Variants in FRK observed in about 807,000 individuals in gnomAD.
FRK encodes the protein tyrosine-protein kinase FRK.
FRK carries 51 observed loss-of-function variants against 56.4 expected under a neutral mutation model. The observed-to-expected ratio is 0.90, with a 90% confidence interval of 0.72 to 1.14. FRK has a LOEUF of 1.14. Ranked by LOEUF, FRK falls within the 50% of genes most tolerant of loss-of-function variation. FRK has a pLI of 0.00. For missense variants in FRK, 570 were observed against 601.4 expected (o/e 0.95, Z 0.55); for synonymous variants, 245 against 217.9 (o/e 1.12, Z -1.10).
intron 1 of FRK, among the ~76,000 whole-genome samples, chr6:116,012,758 T>A (rs1775518873): frequency 6.6e-6 from 1 of 152,238 alleles, no homozygotes. Context: ...GCTTGCCACA[T>A]AGCTTGCAGT....
chr6:115,952,326 C>T (rs922404433), intron 5 of FRK, among the ~76,000 whole-genome samples: 1 of 152,142 alleles, frequency 6.6e-6, no homozygotes, highest in Admixed American at 6.5e-5. Context: ...AAAAAATGCG[C>T]ACCATCACTG....
chr6:116,011,957 A>G (rs935493393), intron 1 of FRK, among the ~76,000 whole-genome samples: 1 of 151,980 alleles, frequency 6.6e-6, no homozygotes, highest in South Asian at 2.1e-4. Context: ...ACTCTTTCCC[A>G]CTCACATGGA....
At chr6:116,024,251 TTTTC>T (rs1472249011) in intron 1 of FRK, among the ~76,000 whole-genome samples, 1 of 151,910 alleles carries the variant, frequency 6.6e-6, no homozygotes, top group Non-Finnish European at 1.5e-5. Flanking sequence ...ATTTTTTCCT[TTTTC>T]TTTCATTTTT....
intron 1 of FRK, among the ~76,000 whole-genome samples, chr6:116,007,301 T>C (rs1467912479): frequency 1.3e-5 from 2 of 152,352 alleles, no homozygotes; most frequent in Admixed American, 1.3e-4. Flanking sequence ...TCACTCATGC[T>C]TGCTCTCCAG....
intron 1 of FRK, among the ~76,000 whole-genome samples, chr6:116,033,794 C>G (rs1027424499): frequency 6.6e-6 from 1 of 152,032 alleles, no homozygotes; most frequent in South Asian, 2.1e-4. Context: ...GGTCACTCTG[C>G]CTGCTGGGTT....
intron 1 of FRK, among the ~76,000 whole-genome samples, chr6:116,050,324 T>C (rs142813752): frequency 6.4e-4 from 98 of 152,338 alleles, no homozygotes; most frequent in African/African-American, 2.2e-3. Flanking sequence ...CATCTACTTA[T>C]CTTGGCTAAC....
intron 4 of FRK, among the ~76,000 whole-genome samples, chr6:115,958,806 GAA>G (rs1773201638): frequency 1.4e-5 from 1 of 73,540 alleles, no homozygotes; most frequent in Non-Finnish European, 2.7e-5. Context: ...GAAAAAGAAA[GAA>G]AGAAAGAAAG....
chr6:116,087,253 C>G, the FRK span, among the ~76,000 whole-genome samples: 1 of 152,264 alleles, frequency 6.6e-6, no homozygotes, highest in East Asian at 1.9e-4. Context: ...GCAGTATATT[C>G]TCAATAAACA....
At chr6:115,973,627 T>C (rs1382098511) in intron 2 of FRK, among the ~76,000 whole-genome samples, 1 of 152,100 alleles carries the variant, frequency 6.6e-6, no homozygotes, top group Non-Finnish European at 1.5e-5. Flanking sequence ...CCCAGCACTT[T>C]GGGAGGCCAA....
chr6:116,035,010 T>C (rs1290845632), intron 1 of FRK, among the ~76,000 whole-genome samples: 1 of 152,092 alleles, frequency 6.6e-6, no homozygotes, highest in African/African-American at 2.4e-5. Flanking sequence ...TGAGTAATGG[T>C]ACCTAGTGGT....
the FRK span, among the ~76,000 whole-genome samples, chr6:116,066,683 T>C: frequency 2.0e-5 from 3 of 152,144 alleles, no homozygotes; most frequent in Admixed American, 2.0e-4. Flanking sequence ...CTCTTCTGGC[T>C]CTCTATGGGC....
At chr6:115,988,332 T>C (rs1774463433) in intron 2 of FRK, among the ~76,000 whole-genome samples, 5 of 152,158 alleles carry the variant, frequency 3.3e-5, no homozygotes, top group Middle Eastern at 3.4e-3. Context: ...TGTGTAACTA[T>C]CACCATATAA....
chr6:116,085,165 T>C, the FRK span, among the ~76,000 whole-genome samples: 3 of 152,022 alleles, frequency 2.0e-5, no homozygotes, highest in African/African-American at 7.2e-5. Context: ...AATTAAGAAA[T>C]AAGTAGGATG....
chr6:116,038,727 C>T, intron 1 of FRK: 2 of 457,406 alleles, frequency 4.4e-6, no homozygotes, highest in South Asian at 3.5e-5. Context: ...AAGGCTGACG[C>T]TGACCTTCAG....
chr6:116,076,422 A>G, the FRK span, among the ~76,000 whole-genome samples: 1 of 152,086 alleles, frequency 6.6e-6, no homozygotes, highest in African/African-American at 2.4e-5. Context: ...CTATTGAGTC[A>G]TTTTCTTGAT....
intron 1 of FRK, among the ~76,000 whole-genome samples, chr6:116,018,795 T>G (rs549324609): frequency 4.6e-5 from 7 of 152,292 alleles, no homozygotes; most frequent in Admixed American, 4.6e-4. Context: ...GGATAATTTT[T>G]TTTTAATCAT....
At chr6:116,010,734 T>C (rs78099551) in intron 1 of FRK, among the ~76,000 whole-genome samples, 201 of 152,334 alleles carry the variant, frequency 1.3e-3, no homozygotes, top group African/African-American at 4.8e-3. Flanking sequence ...TATAGCCTTG[T>C]TTCAAGATTA....
intron 1 of FRK, among the ~76,000 whole-genome samples, chr6:116,038,078 A>G (rs969844565): frequency 1.3e-5 from 2 of 152,194 alleles, no homozygotes; most frequent in South Asian, 2.1e-4. Context: ...GGCAGGGGAG[A>G]CAGCACCAAT....
chr6:115,953,436 G>A (rs963771081), intron 5 of FRK, among the ~76,000 whole-genome samples: 33 of 151,978 alleles, frequency 2.2e-4, no homozygotes, highest in African/African-American at 7.5e-4. Flanking sequence ...TGATCCGCCC[G>A]CCTCGGCCTC....
Sources: gnomAD v4.1 joint callset for allele counts (sites outside exome capture counted in the v4.1 genomes callset) on GRCh38, gnomAD v4.1.1 for gene constraint, MANE v1.5 for transcripts, NCBI Gene and HGNC (gene_info 2026-07-23, HGNC 2026-07-21) for gene names.